The following TANC1 variants were observed in gnomAD, a reference collection of about 807,000 sequenced individuals.
TANC1 encodes the protein tetratricopeptide repeat, ankyrin repeat and coiled-coil containing 1, also known as protein TANC1.
Under a neutral mutation model 149.7 loss-of-function variants are expected in TANC1, and 77 were observed. That is an observed-to-expected ratio of 0.51 (90% CI 0.43 to 0.62). The LOEUF (loss-of-function observed/expected upper bound fraction) is 0.62. TANC1 is among the 20% of genes least tolerant of loss of function. The pLI is 0.00. For synonymous variants in TANC1, 854 were observed against 925.0 expected (o/e 0.92, Z 1.39); for missense variants, 1,985 against 2,321.8 (o/e 0.85, Z 2.98).
chr2:159,070,451 A>T (rs969488972), intron 3 of TANC1, among the ~76,000 whole-genome samples: 4 of 152,180 alleles, frequency 2.6e-5, no homozygotes, highest in African/African-American at 9.7e-5. Flanking sequence ...CATCAGGTTC[A>T]CTCTTGATAT....
chr2:159,226,063 G>A (rs1384583784), intron 24 of TANC1: 5 of 385,754 alleles, frequency 1.3e-5, no homozygotes, highest in East Asian at 6.5e-5. Flanking sequence ...CCAGCTACTC[G>A]GGAGGCTGAG....
chr2:159,187,990 G>A (rs2057138571), intron 16 of TANC1, among the ~76,000 whole-genome samples: 1 of 152,192 alleles, frequency 6.6e-6, no homozygotes. Context: ...TAATGAGCAT[G>A]GCCCTCCTGA....
intron 1 of TANC1, among the ~76,000 whole-genome samples, chr2:158,979,825 A>G (rs1298292862): frequency 6.6e-6 from 1 of 152,258 alleles, no homozygotes; most frequent in Non-Finnish European, 1.5e-5. Context: ...TCCATTTCAA[A>G]GAACTTTTGC....
chr2:159,032,284 C>T (rs990876709), intron 2 of TANC1, among the ~76,000 whole-genome samples: 2 of 152,188 alleles, frequency 1.3e-5, no homozygotes, highest in African/African-American at 4.8e-5. Flanking sequence ...TTGAGAAAGC[C>T]TGTCCTGGTT....
At chr2:159,207,575 C>T (rs1204678495) in intron 19 of TANC1, among the ~76,000 whole-genome samples, 1 of 151,868 alleles carries the variant, frequency 6.6e-6, no homozygotes. Context: ...TGGCGGGTAC[C>T]TGTAATCTCA....
At chr2:159,012,336 T>G (rs775467168) in intron 2 of TANC1, among the ~76,000 whole-genome samples, 1 of 152,224 alleles carries the variant, frequency 6.6e-6, no homozygotes, top group Non-Finnish European at 1.5e-5. Context: ...ATTCACTCCG[T>G]GCTCTAAGAA....
At chr2:158,980,426 TAAA>T (rs934189984) in intron 1 of TANC1, among the ~76,000 whole-genome samples, 1 of 152,014 alleles carries the variant, frequency 6.6e-6, no homozygotes, top group Non-Finnish European at 1.5e-5. Flanking sequence ...ACTTAGGACT[TAAA>T]AAAATCACCA....
chr2:159,101,963 G>A (rs190799294), intron 4 of TANC1, among the ~76,000 whole-genome samples: 266 of 152,270 alleles, frequency 1.7e-3, no homozygotes, highest in African/African-American at 6.1e-3. Context: ...TCCAGTTCCA[G>A]TTCTGTCTCA....
rs1393841445 is a variant in TANC1, at chr2:159,228,964, T to G, written c.4151+68T>G. On this transcript the variant is annotated intron_variant, in intron 26 of 26. Transcript: ENST00000263635. ...GTGGGATCAAACCTGCCTGTTGAAT[T>G]TGGGGAGGTTTTGCTGCAGAAGTGT... The G allele has an allele frequency of 5.4e-6, 7 of 1,288,304 alleles. No individual in the cohort carries two copies. In the Admixed American group the frequency reaches 7.1e-5, roughly 13 times the overall value. The allele number at this position is 1,288,304 out of a possible 1,614,324, so 79.8% of individuals were successfully genotyped here. A position where few individuals can be genotyped will look rare whatever the true frequency, so the allele number is the denominator to read the frequency against.
chr2:159,067,795 C>A (rs1468239727), intron 3 of TANC1, among the ~76,000 whole-genome samples: 1 of 152,164 alleles, frequency 6.6e-6, no homozygotes, highest in East Asian at 1.9e-4. Flanking sequence ...ACAGGCCTAC[C>A]ATCCTCTTTG....
chr2:158,992,867 C>T (rs1183873414), intron 1 of TANC1, among the ~76,000 whole-genome samples: 3 of 152,018 alleles, frequency 2.0e-5, no homozygotes, highest in African/African-American at 7.2e-5. Flanking sequence ...TGGTTCTCCT[C>T]CTTGGCTTTT....
intron 1 of TANC1, among the ~76,000 whole-genome samples, chr2:158,994,484 G>T (rs181638419): frequency 1.1e-3 from 167 of 152,242 alleles, no homozygotes; most frequent in Non-Finnish European, 2.0e-3. Context: ...TGCCTAGGCT[G>T]GTCTACAGTG....
At chr2:159,039,530 C>T (rs541962276) in intron 2 of TANC1, among the ~76,000 whole-genome samples, 23 of 152,170 alleles carry the variant, frequency 1.5e-4, no homozygotes, top group Non-Finnish European at 2.8e-4. Context: ...TAAATGTGTC[C>T]CAGAGACTCT....
intron 17 of TANC1, 84 bp from the exon 18 acceptor site, chr2:159,196,524 G>A: frequency 8.2e-7 from 1 of 1,218,190 alleles, no homozygotes; most frequent in Non-Finnish European, 1.2e-6. Flanking sequence ...AGGGAGTGGG[G>A]TTTGCACACA....
At chr2:159,214,124 CAA>C (rs33996292) in intron 19 of TANC1, among the ~76,000 whole-genome samples, 54,897 of 100,686 alleles carry the variant, frequency 0.55, 15,310 homozygotes, top group Non-Finnish European at 0.62. Context: ...GATCCTGTCT[CAA>C]AAAAAAAAAA....
At chr2:159,025,414 C>T (rs1371605823) in intron 2 of TANC1, among the ~76,000 whole-genome samples, 8 of 152,112 alleles carry the variant, frequency 5.3e-5, no homozygotes, top group Admixed American at 5.2e-4. Context: ...TTCTGCGTAA[C>T]TGCAACCTTG....
At chr2:159,150,267 C>T (rs2052634504) in intron 6 of TANC1, 103 bp from the exon 7 acceptor site, 3 of 909,660 alleles carry the variant, frequency 3.3e-6, no homozygotes, top group South Asian at 1.8e-5. Flanking sequence ...TTAAAACTTC[C>T]GTTTTCCTGT....
At chr2:159,059,333 C>T (rs1328879034) in intron 2 of TANC1, among the ~76,000 whole-genome samples, 1 of 151,972 alleles carries the variant, frequency 6.6e-6, no homozygotes, top group Non-Finnish European at 1.5e-5. Flanking sequence ...ATGAGACCTC[C>T]ATCTCTATGA....
rs3821301 is a variant in TANC1 at position 159,231,024 on chromosome 2, T to G, written c.*12T>G. ...AGTCAAATGTGTGAACCTTAAGAAA[T>G]CCCCATTTGTGGAATTTGGAAACGT... On this transcript the variant is annotated 3_prime_UTR_variant, in exon 27 of 27. Coordinates refer to ENST00000263635, the MANE Select transcript of TANC1 (RefSeq NM_033394.3). The G allele has an allele frequency of 0.87, 1,354,407 of 1,560,238 alleles. 591,980 individuals are homozygous for G. Among genetic ancestry groups the G allele is most frequent in the Admixed American group, 0.91 (46,934 of 51,602 alleles).
Sources: allele counts gnomAD v4.1 joint callset (sites outside exome capture counted in the v4.1 genomes callset), GRCh38; gene constraint gnomAD v4.1.1; transcripts MANE v1.5; gene names NCBI Gene and HGNC (gene_info 2026-07-23, HGNC 2026-07-21).